SRPRA: variants seen among roughly 807,000 people sequenced by gnomAD.
SRPRA encodes the protein SRP receptor subunit alpha.
SRPRA carries 30 observed loss-of-function variants against 61.1 expected under a neutral mutation model. The observed-to-expected ratio is 0.49, with a 90% CI of 0.37 to 0.67. SRPRA has a LOEUF of 0.67. Ranked by LOEUF, SRPRA falls within the 30% of genes least tolerant of loss-of-function variation. The pLI, the probability that SRPRA is intolerant of heterozygous loss-of-function variation, is 0.00. For synonymous variants in SRPRA, 324 were observed against 299.7 expected, an observed-to-expected ratio of 1.08 and a Z score of -0.84; for missense variants, 759 against 828.4, an observed-to-expected ratio of 0.92 and a Z score of 1.03.
At position 126,264,351 on chromosome 11, in the gene SRPRA, A is replaced by C. The variant is rs1950763242; in HGVS notation, c.1689+25T>G. 6.2e-7 allele frequency: 1 copy of C among 1,613,722 alleles called. No individual in the cohort carries two copies. Among genetic ancestry groups the C allele is most frequent in the South Asian group, 1.1e-5 (1 of 91,080 alleles). ...TAAATTGACCAAAGCTCAAGTTGTA[A>C]AGGGAACTGGGCCCACGCTCTCACC... On this transcript the variant is annotated intron_variant, in intron 12 of 13. Coordinates refer to ENST00000332118, the MANE Select transcript of SRPRA (RefSeq NM_003139.4). This position sits in a 1 kb window ranked among gnomAD's most constrained non-coding sequence, Gnocchi z 5.0.
chr11:126,237,854 T>TC, the SRPRA span, among the ~76,000 whole-genome samples: 1 of 121,320 alleles, frequency 8.2e-6, no homozygotes, highest in East Asian at 2.4e-4. Context: ...AGACTCCGTC[T>TC]CCAAAAAAAA....
the SRPRA span, chr11:126,241,116 G>T: frequency 1.4e-6 from 2 of 1,465,166 alleles, no homozygotes; most frequent in East Asian, 2.3e-5. Context: ...GCATGATTTG[G>T]CTGTCAAAAC....
the SRPRA span, chr11:126,256,695 C>T: frequency 6.2e-7 from 1 of 1,614,196 alleles, no homozygotes; most frequent in Non-Finnish European, 8.5e-7. This position sits in a 1 kb window ranked among gnomAD's most constrained non-coding sequence, Gnocchi z 6.6. Flanking sequence ...TAGAACATTT[C>T]ATGCTGGTTC....
chr11:126,240,710 CTG>C, the SRPRA span: 1 of 1,404,560 alleles, frequency 7.1e-7, no homozygotes, highest in Non-Finnish European at 9.6e-7. Flanking sequence ...TAGCTAAAAA[CTG>C]TAACCTGAGT....
chr11:126,246,425 C>T, the SRPRA span, among the ~76,000 whole-genome samples: 1 of 152,072 alleles, frequency 6.6e-6, no homozygotes, highest in Non-Finnish European at 1.5e-5. Flanking sequence ...GCACTGGAAC[C>T]CTGCACAAAT....
the SRPRA span, among the ~76,000 whole-genome samples, chr11:126,252,618 C>T: frequency 6.6e-6 from 1 of 152,156 alleles, no homozygotes; most frequent in African/African-American, 2.4e-5. The surrounding 1 kb of genome is among the most constrained non-coding windows in gnomAD (Gnocchi z 4.7). Flanking sequence ...TGGTGTTTGC[C>T]TGTGGTCCCA....
chr11:126,236,611 A>G, the SRPRA span, among the ~76,000 whole-genome samples: 2 of 152,330 alleles, frequency 1.3e-5, no homozygotes, highest in South Asian at 4.1e-4. Context: ...GCTGGCAACT[A>G]GTACCTTCAC....
the SRPRA span, chr11:126,254,375 G>C: frequency 6.2e-7 from 1 of 1,614,234 alleles, no homozygotes; most frequent in Non-Finnish European, 8.5e-7. Context: ...ACCAACCCTA[G>C]TGGCATTGTC....
At chr11:126,254,244 G>T in the SRPRA span, 2 of 1,572,146 alleles carry the variant, frequency 1.3e-6, no homozygotes, top group Non-Finnish European at 1.7e-6. Context: ...CTTGCCCATT[G>T]TGACCTTTAA....
chr11:126,239,388 A>T, the SRPRA span, among the ~76,000 whole-genome samples: 1 of 152,272 alleles, frequency 6.6e-6, no homozygotes, highest in South Asian at 2.1e-4. Flanking sequence ...TTTAACCACT[A>T]TTTATACATC....
At chr11:126,246,497 G>A in the SRPRA span, among the ~76,000 whole-genome samples, 4 of 152,288 alleles carry the variant, frequency 2.6e-5, no homozygotes, top group East Asian at 1.9e-4. Context: ...TCCTTGTGTC[G>A]CTTTGTGAAG....
At chr11:126,239,815 C>T in the SRPRA span, among the ~76,000 whole-genome samples, 5 of 152,152 alleles carry the variant, frequency 3.3e-5, no homozygotes, top group Non-Finnish European at 7.3e-5. Context: ...CTCCTGGCCT[C>T]GGTTTTTCAT....
At chr11:126,246,092 T>C in the SRPRA span, among the ~76,000 whole-genome samples, 1 of 151,794 alleles carries the variant, frequency 6.6e-6, no homozygotes, top group Admixed American at 6.6e-5. Flanking sequence ...GTATCCAGAA[T>C]ATATAAAGAA....
At chr11:126,262,041 G>T, downstream of SRPRA, 2 of 1,414,574 alleles carry the variant, frequency 1.4e-6, no homozygotes, top group South Asian at 1.2e-5. Context: ...GGTTAGGATT[G>T]ACTTAAGTAT....
the SRPRA span, chr11:126,250,458 C>CT: frequency 7.5e-7 from 1 of 1,334,786 alleles, no homozygotes. This position sits in a 1 kb window ranked among gnomAD's most constrained non-coding sequence, Gnocchi z 5.1. Context: ...AACAACTGAC[C>CT]TACCAAAGCA....
chr11:126,259,550 T>C (rs1342452019), downstream of SRPRA, among the ~76,000 whole-genome samples: 3 of 146,334 alleles, frequency 2.1e-5, no homozygotes, highest in African/African-American at 7.6e-5. Flanking sequence ...CTCAGCCTCC[T>C]GAGTGGCTGG....
the SRPRA span, among the ~76,000 whole-genome samples, chr11:126,237,436 C>A: frequency 6.8e-6 from 1 of 146,118 alleles, no homozygotes; most frequent in South Asian, 2.1e-4. Context: ...CAGGTTTTCA[C>A]CATGTTGACC....
At chr11:126,259,323 G>T (rs970092486), downstream of SRPRA, among the ~76,000 whole-genome samples, 17 of 151,966 alleles carry the variant, frequency 1.1e-4, no homozygotes, top group African/African-American at 4.1e-4. Flanking sequence ...GTCTTCAAAG[G>T]ATTCTATAGT....
chr11:126,242,973 A>G, the SRPRA span, among the ~76,000 whole-genome samples: 1 of 152,260 alleles, frequency 6.6e-6, no homozygotes, highest in Non-Finnish European at 1.5e-5. Context: ...TCAAATGTCT[A>G]GTTCATGAAT....
Sources: allele counts gnomAD v4.1 joint callset (sites outside exome capture counted in the v4.1 genomes callset), GRCh38; gene constraint gnomAD v4.1.1; non-coding constraint Gnocchi (gnomAD v3.1); transcripts MANE v1.5; gene names NCBI Gene and HGNC (gene_info 2026-07-23, HGNC 2026-07-21).